PCDHA1: variants seen among roughly 807,000 people sequenced by gnomAD.
PCDHA1 encodes protocadherin alpha 1.
In PCDHA1, 42 loss-of-function variants were observed where a neutral mutation model predicts 61.3. The ratio of observed to expected loss-of-function variants is 0.69; its 90% CI spans 0.54 to 0.89. The LOEUF (loss-of-function observed/expected upper bound fraction) is 0.89. Ranked by LOEUF, PCDHA1 falls within the 40% of genes least tolerant of loss-of-function variation. The probability of loss-of-function intolerance (pLI) is 0.00; values close to 1 mark genes in which losing one functional copy is unlikely to be tolerated. For missense variants in PCDHA1, 1,256 were observed against 1,235.3 expected (o/e 1.02, Z -0.25); for synonymous variants, 610 against 553.8 (o/e 1.10, Z -1.43).
At chr5:140,968,287 C>G (rs7712041) in intron 1 of PCDHA1, 1 of 1,613,902 alleles carries the variant, frequency 6.2e-7, no homozygotes, top group South Asian at 1.1e-5. Context: ...TGACCTACTC[C>G]CTTCTGGAGA....
intron 1 of PCDHA1, among the ~76,000 whole-genome samples, chr5:140,969,735 T>A (rs1029423690): frequency 2.6e-5 from 4 of 152,188 alleles, no homozygotes; most frequent in Non-Finnish European, 5.9e-5. Flanking sequence ...TGAAATCCTA[T>A]ATGAGTGATG....
chr5:140,911,477 T>A (rs1457881834), intron 1 of PCDHA1, among the ~76,000 whole-genome samples: 2 of 152,132 alleles, frequency 1.3e-5, no homozygotes, highest in Non-Finnish European at 2.9e-5. Context: ...AGACTCTCAC[T>A]CAGGGCAATC....
At chr5:140,807,145 T>C in intron 1 of PCDHA1, 1 of 1,574,836 alleles carries the variant, frequency 6.3e-7, no homozygotes, top group Non-Finnish European at 8.6e-7. Context: ...CCCTTGACTT[T>C]GAGAAACGAT....
intron 2 of PCDHA1, among the ~76,000 whole-genome samples, chr5:140,981,156 T>C (rs747008016): frequency 2.9e-4 from 44 of 152,360 alleles, no homozygotes; most frequent in Admixed American, 6.5e-4. Context: ...ATTGAACTTA[T>C]ATGTTGCCTT....
intron 1 of PCDHA1, chr5:140,807,545 G>A: frequency 2.5e-6 from 4 of 1,614,188 alleles, no homozygotes; most frequent in Non-Finnish European, 3.4e-6. Context: ...TTTCCATGTG[G>A]ACGTGGAGGT....
At chr5:140,828,467 A>G (rs2150155619) in intron 1 of PCDHA1, 1 of 1,614,224 alleles carries the variant, frequency 6.2e-7, no homozygotes, top group African/African-American at 1.3e-5. Flanking sequence ...GGTGAGGGAC[A>G]TTAACGACAA....
intron 1 of PCDHA1, chr5:140,861,479 T>C: frequency 2.0e-6 from 1 of 490,568 alleles, no homozygotes; most frequent in Non-Finnish European, 4.2e-6. Context: ...AGAATGGCAT[T>C]TTTGTGAGTT....
At chr5:140,843,066 C>T (rs2150351563) in intron 1 of PCDHA1, 4 of 1,595,216 alleles carry the variant, frequency 2.5e-6, no homozygotes, top group Non-Finnish European at 3.4e-6. Context: ...AAGCTGGTGC[C>T]GCGGTCTGTG....
chr5:140,851,794 T>A, intron 1 of PCDHA1: 1 of 954,488 alleles, frequency 1.0e-6, no homozygotes, highest in Non-Finnish European at 1.3e-6. Flanking sequence ...ATTCACTTGT[T>A]CTGTCAGTAA....
At chr5:141,007,419 T>C (rs1554261276) in intron 3 of PCDHA1, among the ~76,000 whole-genome samples, 3 of 141,394 alleles carry the variant, frequency 2.1e-5, no homozygotes, top group African/African-American at 5.2e-5. Flanking sequence ...AAAAAAAAAA[T>C]TAGCCAGGCA....
intron 3 of PCDHA1, among the ~76,000 whole-genome samples, chr5:141,008,201 A>T (rs2098364434): frequency 6.6e-6 from 1 of 152,212 alleles, no homozygotes; most frequent in Admixed American, 6.5e-5. Context: ...TAATATAATG[A>T]ACTTGACATG....
chr5:140,867,119 A>C (rs2049767402), intron 1 of PCDHA1: 1 of 152,142 alleles, frequency 6.6e-6, no homozygotes, highest in Admixed American at 6.5e-5. Context: ...ATATTGTTTT[A>C]ATTCAAATAT....
chr5:140,960,708 T>C (rs578004240), intron 1 of PCDHA1, among the ~76,000 whole-genome samples: 1 of 152,142 alleles, frequency 6.6e-6, no homozygotes, highest in Non-Finnish European at 1.5e-5. Context: ...TAGTGCCAAA[T>C]ACTCATCTTA....
intron 1 of PCDHA1, chr5:140,966,383 C>T: frequency 2.5e-6 from 1 of 405,022 alleles, no homozygotes; most frequent in East Asian, 3.6e-5. Context: ...TCCGGGTTCG[C>T]TGTCCGCCAC....
chr5:140,871,118 G>T (rs1554165149), intron 1 of PCDHA1: 1 of 1,613,306 alleles, frequency 6.2e-7, no homozygotes, highest in African/African-American at 1.3e-5. Context: ...GTGGAGAGCG[G>T]ACAGGCGCCA....
At chr5:140,805,032 G>T (rs781952381) in intron 1 of PCDHA1, 54 of 1,582,656 alleles carry the variant, frequency 3.4e-5, no homozygotes, top group Non-Finnish European at 4.5e-5. Context: ...GAATATAATA[G>T]AGTCAGCCAA....
At position 140,849,641 on chromosome 5, in the gene PCDHA1, C is replaced by A. The variant is rs2150443548; in HGVS notation, c.2394+60957C>A. 5 of 1,598,742 alleles carry A rather than the reference C, an allele frequency of 3.1e-6. 2 individuals are homozygous for A. Among genetic ancestry groups the A allele is most frequent in the Non-Finnish European group, 2.6e-6 (3 of 1,167,966 alleles). ...TGATCGACCTAGACGCAGATGCCAA[C>A]GGGCAGGTTACCTGCTCCCTGACGC... On this transcript the variant is annotated intron_variant, in intron 1 of 3. Coordinates refer to ENST00000504120, the MANE Select transcript of PCDHA1 (RefSeq NM_018900.4).
At chr5:140,805,005 T>A in intron 1 of PCDHA1, 1 of 1,540,886 alleles carries the variant, frequency 6.5e-7, no homozygotes, top group Non-Finnish European at 8.7e-7. Flanking sequence ...AAAATTTAGT[T>A]CTGTTATCAG....
rs1554217734 is a variant in PCDHA1 at position 140,946,611 on chromosome 5, A to AATATATATATATATATATATATATATAT, written c.2395-32317_2395-32316insTATATATATATATATATATATATATATA. Among the ~76,000 whole-genome samples, 579 of 86,182 alleles carry AATATATATATATATATATATATATATAT rather than the reference A, an allele frequency of 6.7e-3. 16 individuals are homozygous for AATATATATATATATATATATATATATAT. The highest frequency in any genetic ancestry group is 0.011 in the Middle Eastern group (2 of 184). 56.5% of individuals were successfully genotyped at this position (86,182 alleles called of 152,430 possible). A position where few individuals can be genotyped will look rare whatever the true frequency, so the allele number is the denominator to read the frequency against. On this transcript the variant is annotated intron_variant, in intron 1 of 3. Transcript: ENST00000504120. ...GGATGAATAGATAAAGAAAATGTGA[A>AATATATATATATATATATATATATATAT]ATATATATATATATATATATACAAT...
Sources: gnomAD v4.1 joint callset for allele counts (sites outside exome capture counted in the v4.1 genomes callset) on GRCh38, gnomAD v4.1.1 for gene constraint, MANE v1.5 for transcripts, NCBI Gene and HGNC (gene_info 2026-07-23, HGNC 2026-07-21) for gene names.